ZNF134: variants seen among roughly 807,000 people sequenced by gnomAD.
ZNF134 encodes zinc finger protein 134 (clone pHZ-15).
In ZNF134, 5 loss-of-function variants were observed where a neutral mutation model predicts 2.5. The observed-to-expected ratio is 2.03, with a 90% confidence interval of 1.06 to 4.27. The LOEUF is 4.27. ZNF134 is among the 30% of genes most tolerant of loss of function. ZNF134 has a pLI of 0.00. For missense variants in ZNF134, 540 were observed against 517.5 expected (o/e 1.04, Z -0.42); for synonymous variants, 176 against 176.2 (o/e 1.00, Z 0.01).
Position 57,620,271 on chromosome 19 carries a change from C to G in ZNF134, c.152C>G (p.Pro51Arg), listed in dbSNP as rs745524972. The change falls in exon 3 of 3, where the codon CCT becomes CGT. Residue 51 changes from proline (P) to arginine (R), a missense_variant. By Grantham distance (103) the Pro-to-Arg change is moderately radical. Coordinates refer to ENST00000396161, the MANE Select transcript of ZNF134 (RefSeq NM_003435.5). Reference sequence around the variant, plus strand: ...GGTTTGCCCGCACAGACGGCTCTCCCTTGTGACATATGTGGCCCCATCTTG... The same window carrying G: ...GGTTTGCCCGCACAGACGGCTCTCCGTTGTGACATATGTGGCCCCATCTTG... ...KAGLPAQTAL[P>R]CDICGPILKD... 6.2e-7 allele frequency: 1 copy of G among 1,614,188 alleles called. No individual in the cohort carries two copies. Among genetic ancestry groups the G allele is most frequent in the South Asian group, 1.1e-5 (1 of 91,080 alleles).
rs114511154 is a variant in ZNF134 at position 57,620,848 on chromosome 19, A to G, written c.729A>G (p.Arg243=). The G allele has an allele frequency of 5.0e-4, 804 of 1,614,190 alleles. 6 individuals carry two copies. The African/African-American group carries it at 9.6e-3, about 19-fold the overall frequency. ...GCGAATGTGGAAAAACCTTCAGTCGAAAAGACAACCTTACTCAGCACAAGA... is the reference window on the plus strand; with the variant it reads ...GCGAATGTGGAAAAACCTTCAGTCGGAAAGACAACCTTACTCAGCACAAGA... ...ECSECGKTFS[R]KDNLTQHKRI... Residue 243 remains arginine, a synonymous_variant, in exon 3 of 3, where the codon CGA becomes CGG. Transcript: ENST00000396161.
In ZNF134 at chr19:57,624,233, A is replaced by C. The variant is rs911366278; in HGVS notation, c.*2830A>C. 2.0e-5 allele frequency: 3 copies of C among 152,164 alleles called. No homozygotes were observed. The highest frequency in any genetic ancestry group is 4.4e-5 in the Non-Finnish European group (3 of 68,056). The allele number at this position is 152,164 out of a possible 1,614,324, so 9.4% of individuals were successfully genotyped here. A position where few individuals can be genotyped will look rare whatever the true frequency, so the allele number is the denominator to read the frequency against. ...CCCTTTTGAAACAATGCATATACAT[A>C]TAACTATTATCCTAGGTCTTTCCCA... On this transcript the variant is annotated 3_prime_UTR_variant, in exon 3 of 3. Transcript: ENST00000396161.
intron 1 of ZNF134, 64 bp downstream of exon 1, chr19:57,614,567 C>A: frequency 5.8e-6 from 2 of 343,186 alleles, no homozygotes; most frequent in South Asian, 4.2e-5. Flanking sequence ...TGAGGAGCGC[C>A]TGTCTGAGTC....
rs1157607259 is a variant in ZNF134, at chr19:57,620,575, C to T, written c.456C>T (p.Ala152=). The T allele has an allele frequency of 6.2e-7, 1 of 1,614,192 alleles. No individual in the cohort carries two copies. The highest frequency in any genetic ancestry group is 1.7e-5 in the Admixed American group (1 of 60,018). Residue 152 remains alanine (A), a synonymous_variant, in exon 3 of 3, where the codon GCC becomes GCT. Coordinates refer to ENST00000396161, the MANE Select transcript of ZNF134 (RefSeq NM_003435.5). The part of the protein sequence containing the change: ...QATLGGCQQK[A]IHSKRKTHRS... Reference sequence around the variant, plus strand: ...CTTTGGGTGGCTGCCAACAAAAGGCCATCCACAGTAAGAGGAAGACACACA... The same window carrying T: ...CTTTGGGTGGCTGCCAACAAAAGGCTATCCACAGTAAGAGGAAGACACACA...
In ZNF134 at chr19:57,620,686, C is replaced by T. The variant is rs1981184471; in HGVS notation, c.567C>T (p.Asp189=). Residue 189 remains aspartate (D), a synonymous_variant, in exon 3 of 3, where the codon GAC becomes GAT. Transcript: ENST00000396161. ...SECGKAFSRK[D]TLVQHQRIHS... ...GTGGGAAAGCTTTCAGCCGCAAAGA[C>T]ACACTTGTCCAGCACCAGAGAATTC... 2 of 1,614,034 alleles carry T rather than the reference C, an allele frequency of 1.2e-6. No homozygotes were observed. Among genetic ancestry groups the T allele is most frequent in the Non-Finnish European group, 1.7e-6 (2 of 1,180,012 alleles).
rs2054200684 is a variant in ZNF134, at chr19:57,621,725, G to T, written c.*322G>T. 1 of 439,174 alleles carries T rather than the reference G, an allele frequency of 2.3e-6. No individual in the cohort carries two copies. Among genetic ancestry groups the T allele is most frequent in the South Asian group, 2.1e-5 (1 of 48,484 alleles). 27.2% of individuals were successfully genotyped at this position (439,174 alleles called of 1,614,324 possible). On this transcript the variant is annotated 3_prime_UTR_variant, in exon 3 of 3. Transcript: ENST00000396161. The stretch of plus-strand genomic sequence containing the variant: ...CTTCTGTATGACAGGTATAGGTATG[G>T]ATATGACCCATTTTTAGCCAAGAGG...
rs1981325373 is a variant in ZNF134 at position 57,624,621 on chromosome 19, G to A, written c.*3218G>A. 2 of 152,210 alleles carry A rather than the reference G, an allele frequency of 1.3e-5. No homozygotes were observed. Among genetic ancestry groups the A allele is most frequent in the South Asian group, 4.1e-4 (2 of 4,834 alleles). 9.4% of individuals were successfully genotyped at this position (152,210 alleles called of 1,614,324 possible). A position where few individuals can be genotyped will look rare whatever the true frequency, so the allele number is the denominator to read the frequency against. On this transcript the variant is annotated 3_prime_UTR_variant, in exon 3 of 3. Transcript: ENST00000396161. ...TATTAAAGGAACACCCATACAATTA[G>A]AAACCCAAACTTTGTTTTGCATGAC...
Position 57,619,434 on chromosome 19 carries a change from T to G in ZNF134, c.-35T>G. On this transcript the variant is annotated 5_prime_UTR_variant, in exon 2 of 3. Transcript: ENST00000396161. ...CAGATCCTCTGTGGTTGTTGAATTG[T>G]AACAAGAGAGAGAACTCTGGCTGCC... The G allele has an allele frequency of 6.3e-7, 1 of 1,591,310 alleles. No homozygotes were observed. The highest frequency in any genetic ancestry group is 8.6e-7 in the Non-Finnish European group (1 of 1,168,426).
At position 57,614,778 on chromosome 19, in the gene ZNF134, C is replaced by T. The variant is rs191002905; in HGVS notation, c.-58+275C>T. Among the ~76,000 whole-genome samples, 33 of 152,052 alleles carry T rather than the reference C, an allele frequency of 2.2e-4. 1 individual carries two copies. Among genetic ancestry groups the T allele is most frequent in the African/African-American group, 7.2e-4 (30 of 41,460 alleles). On this transcript the variant is annotated intron_variant, in intron 1 of 2. Coordinates refer to ENST00000396161, the MANE Select transcript of ZNF134 (RefSeq NM_003435.5). ...ATTGCGAGGACGATAGGAGCCATGG[C>T]GGGTTTTGAATGGTGGAGGGAAGGG...
Position 57,623,632 on chromosome 19 carries a change from G to C in ZNF134, c.*2229G>C, listed in dbSNP as rs1025303154. 1 of 152,038 alleles carries C rather than the reference G, an allele frequency of 6.6e-6. No homozygotes were observed. The highest frequency in any genetic ancestry group is 2.4e-5 in the African/African-American group (1 of 41,398). The allele number at this position is 152,038 out of a possible 1,614,324, so 9.4% of individuals were successfully genotyped here. A position where few individuals can be genotyped will look rare whatever the true frequency, so the allele number is the denominator to read the frequency against. ...GAGAGAGAGATGTTTTAGAGAGATAGCCAAGGATGTTTGCTGATACCGGGA... is the reference window on the plus strand; with the variant it reads ...GAGAGAGAGATGTTTTAGAGAGATACCCAAGGATGTTTGCTGATACCGGGA... On this transcript the variant is annotated 3_prime_UTR_variant, in exon 3 of 3. Transcript: ENST00000396161.
At chr19:57,615,527 T>G (rs1288280331) in intron 1 of ZNF134, among the ~76,000 whole-genome samples, 2 of 151,930 alleles carry the variant, frequency 1.3e-5, no homozygotes, top group Non-Finnish European at 2.9e-5. Context: ...GGCAAAAGTT[T>G]TCTCAGCAAG....
At chr19:57,616,682 G>T (rs916109841) in intron 1 of ZNF134, among the ~76,000 whole-genome samples, 1 of 152,230 alleles carries the variant, frequency 6.6e-6, no homozygotes, top group African/African-American at 2.4e-5. Flanking sequence ...GGTAGGCAGG[G>T]CTTAGGGAAA....
chr19:57,616,013 T>A (rs534129163), intron 1 of ZNF134, among the ~76,000 whole-genome samples: 1 of 152,360 alleles, frequency 6.6e-6, no homozygotes, highest in South Asian at 2.1e-4. Context: ...AGAGCATAAG[T>A]AGCCTGGCCT....
Position 57,620,888 on chromosome 19 carries a change from G to C in ZNF134, c.769G>C (p.Glu257Gln), listed in dbSNP as rs1157162349. 9.9e-6 allele frequency: 16 copies of C among 1,614,088 alleles called. No individual in the cohort carries two copies. The African/African-American group carries it at 1.5e-4, about 15-fold the overall frequency. Residue 257 changes from glutamate to glutamine, a missense_variant, in exon 3 of 3, where the codon GAA (glutamate) becomes CAA (glutamine). Coordinates refer to ENST00000396161, the MANE Select transcript of ZNF134 (RefSeq NM_003435.5). ...LTQHKRIHTG[E>Q]MPYKCNECGK... is the part of the protein sequence containing the mutation. Reference sequence around the variant, plus strand: ...TCAGCACAAGAGAATCCACACTGGAGAAATGCCTTATAAGTGCAATGAATG... The same window carrying C: ...TCAGCACAAGAGAATCCACACTGGACAAATGCCTTATAAGTGCAATGAATG...
Position 57,620,863 on chromosome 19 carries a change from T to C in ZNF134, c.744T>C (p.Thr248=). The part of the protein sequence containing the change: ...GKTFSRKDNL[T]QHKRIHTGEM... Reference sequence around the variant, plus strand: ...CCTTCAGTCGAAAAGACAACCTTACTCAGCACAAGAGAATCCACACTGGAG... The same window carrying C: ...CCTTCAGTCGAAAAGACAACCTTACCCAGCACAAGAGAATCCACACTGGAG... The change falls in exon 3 of 3, where the codon ACT becomes ACC. Residue 248 remains threonine (T), a synonymous_variant. Transcript: ENST00000396161. 6.2e-7 allele frequency: 1 copy of C among 1,614,064 alleles called. No homozygotes were observed. The highest frequency in any genetic ancestry group is 8.5e-7 in the Non-Finnish European group (1 of 1,180,022).
chr19:57,620,760 G>A lies in ZNF134; in HGVS notation c.641G>A (p.Ser214Asn). Residue 214 changes from serine to asparagine, a missense_variant, in exon 3 of 3, where the codon AGC becomes AAC. Ser to Asn is a conservative substitution (Grantham distance 46). Transcript: ENST00000396161. ...TGCAGCGAATGTGGGAAAGCCTTCA[G>A]CCGCAAAGCTACACTTGTCCAGCAT... ...YECSECGKAF[S>N]RKATLVQHQR... 1 of 1,612,804 alleles carries A rather than the reference G, an allele frequency of 6.2e-7. No individual in the cohort carries two copies. The highest frequency in any genetic ancestry group is 8.5e-7 in the Non-Finnish European group (1 of 1,178,788).
chr19:57,614,571 C>CT (rs1980999201), intron 1 of ZNF134, 68 bp downstream of exon 1: 1 of 343,332 alleles, frequency 2.9e-6, no homozygotes, highest in African/African-American at 2.2e-5. Flanking sequence ...GAGCGCCTGT[C>CT]TGAGTCCCTG....
At chr19:57,616,384 C>A (rs1981052493) in intron 1 of ZNF134, among the ~76,000 whole-genome samples, 1 of 152,186 alleles carries the variant, frequency 6.6e-6, no homozygotes, top group South Asian at 2.1e-4. Context: ...AAAATCTTAA[C>A]CAAATTTTCT....
In ZNF134 at chr19:57,621,357, C is replaced by T; in HGVS notation, c.1238C>T (p.Ser413Phe). The change falls in exon 3 of 3, where the codon TCC becomes TTC. Residue 413 changes from serine to phenylalanine, a missense_variant. Ser to Phe is a radical substitution (Grantham distance 155, BLOSUM62 -2). Coordinates refer to ENST00000396161, the MANE Select transcript of ZNF134 (RefSeq NM_003435.5). ...TGTGGGAAGGCCTACAGCTTAAGCT[C>T]CCACCTCAATCGGCACCAGAAAGTT... ...SECGKAYSLSSHLNRHQKVHT... is the reference protein window; with the variant it reads ...SECGKAYSLSFHLNRHQKVHT... 6.2e-7 allele frequency: 1 copy of T among 1,614,052 alleles called. No homozygotes were observed. The highest frequency in any genetic ancestry group is 8.5e-7 in the Non-Finnish European group (1 of 1,180,006).
Sources: gnomAD v4.1 joint callset for allele counts (sites outside exome capture counted in the v4.1 genomes callset) on GRCh38, gnomAD v4.1.1 for gene constraint, MANE v1.5 for transcripts, NCBI Gene and HGNC (gene_info 2026-07-23, HGNC 2026-07-21) for gene names.